Variants in MPHOSPH9 observed in about 807,000 individuals in gnomAD.
The protein encoded by MPHOSPH9 is M-phase phosphoprotein 9.
MPHOSPH9 carries 88 observed loss-of-function variants against 145.5 expected under a neutral mutation model. The observed-to-expected ratio is 0.60, with a 90% CI of 0.51 to 0.72. The LOEUF (loss-of-function observed/expected upper bound fraction) is 0.72, where lower values mean the gene tolerates loss of function less well. Ranked by LOEUF, MPHOSPH9 falls within the 30% of genes least tolerant of loss-of-function variation. The pLI, the probability that MPHOSPH9 is intolerant of heterozygous loss-of-function variation, is 0.00. For synonymous variants in MPHOSPH9, 435 were observed against 486.2 expected (o/e 0.89, Z 1.39); for missense variants, 1,238 against 1,386.6 (o/e 0.89, Z 1.70).
chr12:123,157,199 T>C (rs1415855398), intron 23 of MPHOSPH9, among the ~76,000 whole-genome samples: 1 of 152,210 alleles, frequency 6.6e-6, no homozygotes, highest in African/African-American at 2.4e-5. Context: ...GGATAATTCT[T>C]TGGCTCTGCT....
intron 1 of MPHOSPH9, among the ~76,000 whole-genome samples, chr12:123,239,609 A>G (rs191449668): frequency 2.6e-5 from 4 of 152,054 alleles, no homozygotes; most frequent in Non-Finnish European, 4.4e-5. Flanking sequence ...TCACCGTGTT[A>G]GCCAGGATGG....
At chr12:123,207,826 C>T (rs2046503912) in intron 8 of MPHOSPH9, among the ~76,000 whole-genome samples, 3 of 149,096 alleles carry the variant, frequency 2.0e-5, no homozygotes, top group Admixed American at 6.8e-5. Context: ...GCACTCCAGC[C>T]TGGGCAACAG....
At chr12:123,227,371 C>T (rs1205136280) in intron 3 of MPHOSPH9, 92 bp downstream of exon 3, 1 of 999,808 alleles carries the variant, frequency 1.0e-6, no homozygotes, top group Non-Finnish European at 1.4e-6. Flanking sequence ...TCATGCTCTT[C>T]AGGACATAAA....
chr12:123,241,428 C>G (rs1359912551), intron 1 of MPHOSPH9, among the ~76,000 whole-genome samples: 2 of 152,180 alleles, frequency 1.3e-5, no homozygotes, highest in African/African-American at 4.8e-5. Flanking sequence ...ACCTCTGCCT[C>G]CCGGGTTCAA....
upstream of MPHOSPH9, among the ~76,000 whole-genome samples, chr12:123,235,044 A>G (rs78368479): frequency 3.4e-4 from 52 of 152,360 alleles, no homozygotes; most frequent in East Asian, 8.1e-3. Context: ...GGCCGATGAA[A>G]TAATCAGTTC....
At chr12:123,237,055 A>G (rs2047862451), upstream of MPHOSPH9, among the ~76,000 whole-genome samples, 1 of 152,098 alleles carries the variant, frequency 6.6e-6, no homozygotes, top group African/African-American at 2.4e-5. Context: ...ACTGCAGTCC[A>G]GGCTGGGTGA....
chr12:123,235,037 C>A (rs2047821095), upstream of MPHOSPH9, among the ~76,000 whole-genome samples: 1 of 152,140 alleles, frequency 6.6e-6, no homozygotes, highest in African/African-American at 2.4e-5. Flanking sequence ...AAACAAAGGC[C>A]GATGAAATAA....
chr12:123,202,931 A>G lies in MPHOSPH9; in HGVS notation c.1474T>C (p.Ser492Pro). 1.2e-6 allele frequency: 2 copies of G among 1,614,204 alleles called. No individual in the cohort carries two copies. Among genetic ancestry groups the G allele is most frequent in the Non-Finnish European group, 1.7e-6 (2 of 1,180,030 alleles). ...PSMSSPSDIDSFSQASNVTSQ... is the reference protein window; with the variant it reads ...PSMSSPSDIDPFSQASNVTSQ... ...GTGACATTACTTGCTTGTGAAAATG[A>G]GTCTATGTCAGAGGGACTAGACATA... The change falls in exon 10 of 24, where the codon TCA becomes CCA. Residue 492 changes from serine to proline, a missense_variant. Ser to Pro is a moderately conservative substitution (Grantham distance 74). Around this residue, in one of 3 missense-constraint regions of MPHOSPH9, gnomAD observed 837 missense variants for 897.5 expected, o/e 0.93. Coordinates refer to ENST00000606320, the MANE Select transcript of MPHOSPH9 (RefSeq NM_022782.4).
Position 123,218,393 on chromosome 12 carries a change from T to G in MPHOSPH9, c.979A>C (p.Lys327Gln). The part of the protein sequence containing the change: ...RSKQGNEQSK[K>Q]TPIEKSDFAA... ...TCACCTACTTTCTCAATTGGTGTCT[T>G]CTTACTTTGCTCATTTCCTTGTTTA... The change falls in exon 6 of 24, where the codon AAG becomes CAG. Residue 327 changes from lysine to glutamine, a missense_variant. Lys to Gln is a moderately conservative substitution (Grantham distance 53, BLOSUM62 1). Transcript: ENST00000606320. 1 of 1,614,102 alleles carries G rather than the reference T, an allele frequency of 6.2e-7. No individual in the cohort carries two copies. Among genetic ancestry groups the G allele is most frequent in the Non-Finnish European group, 8.5e-7 (1 of 1,179,958 alleles).
intron 6 of MPHOSPH9, among the ~76,000 whole-genome samples, chr12:123,216,364 G>A (rs2046959312): frequency 6.6e-6 from 1 of 152,118 alleles, no homozygotes; most frequent in East Asian, 1.9e-4. Flanking sequence ...GAAGGCTGTA[G>A]GACAATCTTC....
intron 7 of MPHOSPH9, 85 bp downstream of exon 7, chr12:123,214,659 T>C: frequency 9.5e-7 from 1 of 1,051,952 alleles, no homozygotes; most frequent in Non-Finnish European, 1.4e-6. Flanking sequence ...AGTTGTTTTT[T>C]AAAAATAATG....
intron 3 of MPHOSPH9, chr12:123,226,366 A>G: frequency 8.7e-7 from 1 of 1,146,994 alleles, no homozygotes; most frequent in Non-Finnish European, 1.1e-6. Flanking sequence ...AAAATAACAC[A>G]AATTATGCTT....
chr12:123,179,948 T>G lies in MPHOSPH9; in HGVS notation c.2332A>C (p.Thr778Pro). ...TTENKLLDAY[T>P]QISDLKRMIS... The stretch of plus-strand genomic sequence containing the variant: ...TACCTTTTCAAATCAGAAATCTGAG[T>G]ATATGCATCAAGCAATTTGTTCTCA... Residue 778 changes from threonine (T) to proline (P), a missense_variant, in exon 15 of 24, where the codon ACT becomes CCT. Thr to Pro is a conservative substitution (Grantham distance 38). This residue lies in a region of MPHOSPH9 where 837 missense variants were observed against 897.5 expected (regional missense o/e 0.93). Transcript: ENST00000606320. The G allele has an allele frequency of 6.9e-7, 1 of 1,453,242 alleles. No homozygotes were observed. Among genetic ancestry groups the G allele is most frequent in the South Asian group, 1.3e-5 (1 of 75,980 alleles). 90.0% of individuals were successfully genotyped at this position (1,453,242 alleles called of 1,614,324 possible).
intron 16 of MPHOSPH9, among the ~76,000 whole-genome samples, chr12:123,175,326 G>A (rs1409064279): frequency 6.6e-6 from 1 of 151,744 alleles, no homozygotes; most frequent in African/African-American, 2.4e-5. Flanking sequence ...AATTTTTTTT[G>A]TATTTTTTAG....
chr12:123,152,405 C>G (rs943778265), downstream of MPHOSPH9: 1 of 351,732 alleles, frequency 2.8e-6, no homozygotes, highest in Non-Finnish European at 5.6e-6. Context: ...TACAGCTTCA[C>G]GACTCCAGCA....
chr12:123,206,637 G>T (rs2046449288), intron 8 of MPHOSPH9, among the ~76,000 whole-genome samples: 1 of 152,006 alleles, frequency 6.6e-6, no homozygotes, highest in Admixed American at 6.6e-5. Context: ...TAATAAGCCA[G>T]GCACAGTGGC....
At position 123,166,764 on chromosome 12, in the gene MPHOSPH9, T is replaced by C; in HGVS notation, c.2482A>G (p.Arg828Gly). The C allele has an allele frequency of 6.2e-7, 1 of 1,613,776 alleles. No individual in the cohort carries two copies. The highest frequency in any genetic ancestry group is 8.5e-7 in the Non-Finnish European group (1 of 1,179,932). The change falls in exon 17 of 24, where the codon AGG becomes GGG. Residue 828 changes from arginine to glycine, a missense_variant. Arg to Gly is a moderately radical substitution (Grantham distance 125, BLOSUM62 -2). This residue lies in a region of MPHOSPH9 where 393 missense variants were observed against 462.5 expected (regional missense o/e 0.85). Coordinates refer to ENST00000606320, the MANE Select transcript of MPHOSPH9 (RefSeq NM_022782.4). ...GCACCTGGAATCAGCCATTTCCGCC[T>C]GCTGACGTCTGAAGTTGCTAGTGTG... The part of the protein sequence containing the change: ...ANTLATSDVS[R>G]RKWLIPGAEY...
intron 13 of MPHOSPH9, among the ~76,000 whole-genome samples, chr12:123,181,542 TCAAAAA>T (rs888951927): frequency 4.7e-5 from 7 of 148,028 alleles, no homozygotes; most frequent in African/African-American, 1.0e-4. Context: ...CCTCGTCTCT[TCAAAAA>T]CAAAAACAAA....
In MPHOSPH9 at chr12:123,222,608, C is replaced by T. The variant is rs182666878; in HGVS notation, c.348+430G>A. ...GGCGGAGTTTGCAGTGAGCCAAGAC[C>T]GTGCCATTGCACTCCAGCCTGGGCA... On this transcript the variant is annotated intron_variant, in intron 4 of 23. Coordinates refer to ENST00000606320, the MANE Select transcript of MPHOSPH9 (RefSeq NM_022782.4). 1.5e-4 allele frequency among the ~76,000 whole-genome samples: 23 copies of T among 152,098 alleles called. 1 individual carries two copies. The highest frequency in any genetic ancestry group is 9.2e-4 in the Admixed American group (14 of 15,256).
Sources: gnomAD v4.1 joint callset for allele counts (sites outside exome capture counted in the v4.1 genomes callset) on GRCh38, gnomAD v4.1.1 for gene constraint, gnomAD v4.1.1 regional missense constraint, MANE v1.5 for transcripts, NCBI Gene and HGNC (gene_info 2026-07-23, HGNC 2026-07-21) for gene names.